Variants in CDH18 observed in about 807,000 individuals in gnomAD.
CDH18 encodes the protein cadherin-18.
CDH18 carries 31 observed loss-of-function variants against 67.9 expected under a neutral mutation model. The observed-to-expected ratio is 0.46, with a 90% CI of 0.34 to 0.62. CDH18 has a LOEUF of 0.62. CDH18 is among the 20% of genes least tolerant of loss of function. The pLI, the probability that CDH18 is intolerant of heterozygous loss-of-function variation, is 0.01. For synonymous variants in CDH18, 362 were observed against 347.2 expected (o/e 1.04, Z -0.48); for missense variants, 890 against 975.5 (o/e 0.91, Z 1.17).
intron 2 of CDH18, among the ~76,000 whole-genome samples, chr5:20,090,026 G>A (rs988706681): frequency 2.0e-5 from 3 of 152,048 alleles, no homozygotes; most frequent in Non-Finnish European, 4.4e-5. Context: ...TGACTTGTCA[G>A]TAAATTAAAT....
chr5:19,944,957 G>A (rs994465440), intron 2 of CDH18, among the ~76,000 whole-genome samples: 32 of 152,080 alleles, frequency 2.1e-4, no homozygotes, highest in Non-Finnish European at 4.0e-4. Context: ...CAAATCATCA[G>A]CACCAAAATA....
At chr5:19,823,936 C>T (rs1780148457) in intron 3 of CDH18, among the ~76,000 whole-genome samples, 1 of 152,038 alleles carries the variant, frequency 6.6e-6, no homozygotes, top group South Asian at 2.1e-4. Context: ...CCCAAAACCA[C>T]ACAATTACAT....
At chr5:20,138,340 A>G (rs1375542348) in intron 2 of CDH18, among the ~76,000 whole-genome samples, 1 of 152,184 alleles carries the variant, frequency 6.6e-6, no homozygotes, top group East Asian at 1.9e-4. Flanking sequence ...TGTTTATGAC[A>G]TACCCACAGC....
intron 1 of CDH18, among the ~76,000 whole-genome samples, chr5:20,448,972 C>T (rs1750220204): frequency 6.6e-6 from 1 of 151,244 alleles, no homozygotes; most frequent in African/African-American, 2.5e-5. Context: ...AAAAGGCCAA[C>T]TAGAGCTTCC....
rs1242126826 is a variant in CDH18 at position 20,447,688 on chromosome 5, TTGTG to T, written c.-580+127770_-580+127773del. On this transcript the variant is annotated intron_variant, in intron 1 of 14. Coordinates refer to the CDH18 transcript ENST00000507958. ...CACTCCAATTTCATTTATTTTATTT[TTGTG>T]TGTGTCAAGTTCAATTTCTGTCAAC... 3.3e-5 allele frequency among the ~76,000 whole-genome samples: 5 copies of T among 152,304 alleles called. No individual in the cohort carries two copies. In the East Asian group the frequency reaches 9.6e-4, roughly 29 times the overall value.
chr5:20,128,940 A>G (rs1749045900), intron 2 of CDH18, among the ~76,000 whole-genome samples: 1 of 152,012 alleles, frequency 6.6e-6, no homozygotes, highest in Non-Finnish European at 1.5e-5. Context: ...ATCTTCTATA[A>G]AGGAAGAGGT....
chr5:19,792,617 G>T (rs1226022889), intron 3 of CDH18, among the ~76,000 whole-genome samples: 1 of 152,086 alleles, frequency 6.6e-6, no homozygotes, highest in African/African-American at 2.4e-5. Context: ...TTTCCCTGGA[G>T]AATCCTAACT....
At chr5:20,292,966 A>AT (rs1237289570) in intron 1 of CDH18, among the ~76,000 whole-genome samples, 1 of 152,132 alleles carries the variant, frequency 6.6e-6, no homozygotes, top group Non-Finnish European at 1.5e-5. Flanking sequence ...GGGTTTCAAC[A>AT]TATCTTTTAG....
chr5:20,264,945 T>A (rs1047484301), intron 1 of CDH18, among the ~76,000 whole-genome samples: 2 of 151,990 alleles, frequency 1.3e-5, no homozygotes, highest in Admixed American at 6.6e-5. Flanking sequence ...TTTCTGGCAA[T>A]AAGAACAAAG....
intron 1 of CDH18, among the ~76,000 whole-genome samples, chr5:20,461,786 G>T (rs1751283490): frequency 6.6e-6 from 1 of 151,942 alleles, no homozygotes; most frequent in African/African-American, 2.4e-5. Flanking sequence ...CCTGCTTTTG[G>T]AATTTCTAGA....
chr5:20,174,231 T>C (rs1022557985), intron 2 of CDH18, among the ~76,000 whole-genome samples: 2 of 152,224 alleles, frequency 1.3e-5, no homozygotes, highest in Non-Finnish European at 2.9e-5. Context: ...AGTGTTTTAA[T>C]TTTAAATAAT....
At chr5:20,445,335 C>T (rs1473023328) in intron 1 of CDH18, among the ~76,000 whole-genome samples, 1 of 152,146 alleles carries the variant, frequency 6.6e-6, no homozygotes, top group Non-Finnish European at 1.5e-5. Context: ...CTGCCAGGAT[C>T]CTGGAGTGCA....
At chr5:19,858,642 T>C (rs1031253061) in intron 2 of CDH18, among the ~76,000 whole-genome samples, 1 of 152,196 alleles carries the variant, frequency 6.6e-6, no homozygotes, top group African/African-American at 2.4e-5. Context: ...TTGATGAACA[T>C]TTCAAAATTA....
chr5:20,513,796 A>T (rs954009814), intron 1 of CDH18, among the ~76,000 whole-genome samples: 1 of 152,026 alleles, frequency 6.6e-6, no homozygotes, highest in African/African-American at 2.4e-5. Flanking sequence ...TGAATGTTTT[A>T]TATGTCTTTT....
intron 2 of CDH18, among the ~76,000 whole-genome samples, chr5:20,244,543 A>T (rs74976037): frequency 0.013 from 1,950 of 152,190 alleles, 42 homozygotes; most frequent in African/African-American, 0.044. Flanking sequence ...AAATTTCTCA[A>T]AAAATCTTGA....
At chr5:19,664,675 T>A (rs1035574549) in intron 5 of CDH18, among the ~76,000 whole-genome samples, 2 of 151,934 alleles carry the variant, frequency 1.3e-5, no homozygotes, top group Non-Finnish European at 2.9e-5. Flanking sequence ...CTGGTGCCAG[T>A]TCAGGTTGCA....
At chr5:20,356,982 G>A (rs958404997) in intron 1 of CDH18, among the ~76,000 whole-genome samples, 2 of 150,828 alleles carry the variant, frequency 1.3e-5, no homozygotes, top group Non-Finnish European at 3.0e-5. Flanking sequence ...TATATATGTA[G>A]TAATAACTAT....
chr5:19,573,245 A>C lies in CDH18; in HGVS notation c.1000-1413T>G, dbSNP rs141271552. ...CTATCACACTAGAAATAAATTGCCA[A>C]AATAACTAATACCTATCTTGTTTGA... On this transcript the variant is annotated intron_variant, in intron 7 of 12. Transcript: ENST00000382275. Among the ~76,000 whole-genome samples, 48 of 151,940 alleles carry C rather than the reference A, an allele frequency of 3.2e-4. No homozygotes were observed. In the East Asian group the frequency reaches 8.1e-3, roughly 26 times the overall value.
intron 2 of CDH18, among the ~76,000 whole-genome samples, chr5:20,227,596 T>C (rs541580089): frequency 6.4e-4 from 97 of 152,262 alleles, no homozygotes; most frequent in Non-Finnish European, 1.3e-3. Context: ...TCTTCTTTTC[T>C]ATAAGTTCAA....
Sources: allele counts gnomAD v4.1 joint callset (sites outside exome capture counted in the v4.1 genomes callset), GRCh38; gene constraint gnomAD v4.1.1; transcripts MANE v1.5; gene names NCBI Gene and HGNC (gene_info 2026-07-23, HGNC 2026-07-21).